Variants in SH3GL2 observed in about 807,000 individuals in gnomAD.
SH3GL2 encodes the protein SH3 domain containing GRB2 like 2, endophilin A1.
Under a neutral mutation model 46.0 loss-of-function variants are expected in SH3GL2, and 24 were observed. The ratio of observed to expected loss-of-function variants is 0.52; its 90% confidence interval spans 0.38 to 0.73. The LOEUF is 0.73. Among genes scored for constraint, SH3GL2 ranks in the 30% least tolerant of loss-of-function variants. The pLI is 0.00. For missense variants in SH3GL2, 413 were observed against 424.2 expected, an observed-to-expected ratio of 0.97 and a Z score of 0.23; for synonymous variants, 196 against 147.1, an observed-to-expected ratio of 1.33 and a Z score of -2.40.
At chr9:17,647,026 A>G (rs980505735) in intron 1 of SH3GL2, among the ~76,000 whole-genome samples, 5 of 152,166 alleles carry the variant, frequency 3.3e-5, no homozygotes, top group Non-Finnish European at 5.9e-5. Flanking sequence ...AGTTTTATCT[A>G]TAAGCCCCTG....
chr9:17,607,579 A>C (rs1257806506), intron 1 of SH3GL2, among the ~76,000 whole-genome samples: 1 of 152,230 alleles, frequency 6.6e-6, no homozygotes, highest in East Asian at 1.9e-4. Flanking sequence ...TCTATGCGGC[A>C]CGTGGCTGTA....
intron 1 of SH3GL2, among the ~76,000 whole-genome samples, chr9:17,661,060 G>A (rs1820199935): frequency 1.3e-5 from 2 of 152,158 alleles, no homozygotes; most frequent in Admixed American, 6.5e-5. Flanking sequence ...TACTCGGGAG[G>A]CTGAGGCAGG....
chr9:17,756,500 C>T (rs1369426934), intron 2 of SH3GL2, among the ~76,000 whole-genome samples: 3 of 139,086 alleles, frequency 2.2e-5, no homozygotes, highest in East Asian at 4.6e-4. Flanking sequence ...GGCAGGCCCC[C>T]ATGTGTGATG....
chr9:17,700,538 C>T (rs1420860729), intron 1 of SH3GL2, among the ~76,000 whole-genome samples: 2 of 152,140 alleles, frequency 1.3e-5, no homozygotes, highest in Non-Finnish European at 2.9e-5. Context: ...ATATTTGTTT[C>T]TTTCTGAAGT....
At chr9:17,595,886 G>T (rs1399203210) in intron 1 of SH3GL2, among the ~76,000 whole-genome samples, 1 of 152,176 alleles carries the variant, frequency 6.6e-6, no homozygotes, top group African/African-American at 2.4e-5. Context: ...GTTACAGTAA[G>T]ATTATTTTTT....
chr9:17,592,189 G>A (rs74505109), intron 1 of SH3GL2, among the ~76,000 whole-genome samples: 3,142 of 152,278 alleles, frequency 0.021, 114 homozygotes, highest in African/African-American at 0.072. Flanking sequence ...TGATGTCCAA[G>A]GGCAGGAGAA....
At position 17,699,827 on chromosome 9, in the gene SH3GL2, G is replaced by A. The variant is rs184029248; in HGVS notation, c.46-47239G>A. On this transcript the variant is annotated intron_variant, in intron 1 of 8. Coordinates refer to ENST00000380607, the MANE Select transcript of SH3GL2 (RefSeq NM_003026.5). The stretch of plus-strand genomic sequence containing the variant: ...CATCTCATGGTGAATGCATAGATCA[G>A]CATTATTTATAAAGTGTCACGTTGA... Among the ~76,000 whole-genome samples the A allele has an allele frequency of 1.4e-4, 21 of 152,328 alleles. No individual in the cohort carries two copies. In the East Asian group the frequency reaches 3.7e-3, roughly 27 times the overall value.
rs536975711 is a variant in SH3GL2, at chr9:17,685,346, C to T, written c.46-61720C>T. On this transcript the variant is annotated intron_variant, in intron 1 of 8. Coordinates refer to ENST00000380607, the MANE Select transcript of SH3GL2 (RefSeq NM_003026.5). ...ATTAATTCTTGCTTTTGAGGACTTT[C>T]GGTTGATTGGATGAGGTCCCCCCAC... is the stretch of plus-strand genomic sequence containing the variant. 2.5e-4 allele frequency among the ~76,000 whole-genome samples: 38 copies of T among 152,112 alleles called. No individual in the cohort carries two copies. The South Asian group carries it at 4.4e-3, about 17-fold the overall frequency.
At chr9:17,716,114 T>C (rs1821751433) in intron 1 of SH3GL2, among the ~76,000 whole-genome samples, 1 of 152,134 alleles carries the variant, frequency 6.6e-6, no homozygotes, top group East Asian at 1.9e-4. Flanking sequence ...TTTGAACAAA[T>C]GGAAAGTAAT....
At chr9:17,727,489 C>T (rs755508140) in intron 1 of SH3GL2, among the ~76,000 whole-genome samples, 20 of 152,258 alleles carry the variant, frequency 1.3e-4, no homozygotes, top group Non-Finnish European at 2.1e-4. Context: ...TCTGTGTGCC[C>T]AGGGCCATGC....
intron 1 of SH3GL2, among the ~76,000 whole-genome samples, chr9:17,710,003 A>G (rs1821576135): frequency 6.6e-6 from 1 of 151,922 alleles, no homozygotes; most frequent in South Asian, 2.1e-4. Flanking sequence ...CCTTAGAGGA[A>G]GGAGTGGTCC....
Position 17,604,352 on chromosome 9 carries a change from A to G in SH3GL2, c.45+25065A>G, listed in dbSNP as rs1371167490. Among the ~76,000 whole-genome samples, 6 of 152,236 alleles carry G rather than the reference A, an allele frequency of 3.9e-5. No homozygotes were observed. The East Asian group carries it at 1.2e-3, about 29-fold the overall frequency. On this transcript the variant is annotated intron_variant, in intron 1 of 8. Coordinates refer to ENST00000380607, the MANE Select transcript of SH3GL2 (RefSeq NM_003026.5). ...GAATGTATAAAATGGGAATAATGTC[A>G]GTATCCTATGAGGTTGTTATGGGGA...
chr9:17,694,237 G>C (rs931947683), intron 1 of SH3GL2, among the ~76,000 whole-genome samples: 1 of 152,054 alleles, frequency 6.6e-6, no homozygotes, highest in Non-Finnish European at 1.5e-5. Flanking sequence ...GCTTGTCTTG[G>C]GGGGCCTTAG....
intron 1 of SH3GL2, among the ~76,000 whole-genome samples, chr9:17,735,982 A>G (rs1822323142): frequency 6.6e-6 from 1 of 152,108 alleles, no homozygotes; most frequent in Non-Finnish European, 1.5e-5. Context: ...GGGAGACTCC[A>G]CAATTTCTCG....
rs1211471042 is a variant in SH3GL2 at position 17,796,128 on chromosome 9, T to C, written c.*385T>C. On this transcript the variant is annotated 3_prime_UTR_variant, in exon 9 of 9. Coordinates refer to ENST00000380607, the MANE Select transcript of SH3GL2 (RefSeq NM_003026.5). ...CTGAAGGTCTCTTTGCATTTCTCCA[T>C]GCAAAGAGGAGAAAGCTTTTGCTTT... 2 of 172,826 alleles carry C rather than the reference T, an allele frequency of 1.2e-5. No individual in the cohort carries two copies. Among genetic ancestry groups the C allele is most frequent in the African/African-American group, 4.7e-5 (2 of 42,364 alleles). The allele number at this position is 172,826 out of a possible 1,614,324, so 10.7% of individuals were successfully genotyped here.
At chr9:17,682,854 G>T (rs1588235484) in intron 1 of SH3GL2, among the ~76,000 whole-genome samples, 3 of 152,140 alleles carry the variant, frequency 2.0e-5, no homozygotes, top group African/African-American at 4.8e-5. Context: ...GTGTATTTGT[G>T]TATTTCAAAC....
intron 8 of SH3GL2, among the ~76,000 whole-genome samples, chr9:17,794,367 CAGG>C (rs1824221693): frequency 6.6e-6 from 1 of 152,104 alleles, no homozygotes; most frequent in Admixed American, 6.6e-5. Context: ...AAGATGCTCT[CAGG>C]AGACTTATTA....
At chr9:17,787,803 A>G (rs1267849542) in intron 5 of SH3GL2, among the ~76,000 whole-genome samples, 1 of 152,138 alleles carries the variant, frequency 6.6e-6, no homozygotes, top group Non-Finnish European at 1.5e-5. Flanking sequence ...ACTTTTCCTG[A>G]GAATACACAG....
At position 17,787,418 on chromosome 9, in the gene SH3GL2, CTGT is replaced by C; in HGVS notation, c.371_373del (p.Leu124_Ser125delinsPro). 10 of 1,612,746 alleles carry C rather than the reference CTGT, an allele frequency of 6.2e-6. No individual in the cohort carries two copies. The highest frequency in any genetic ancestry group is 8.5e-6 in the Non-Finnish European group (10 of 1,178,854). On this transcript the variant is annotated inframe_deletion, in exon 5 of 9. Coordinates refer to ENST00000380607, the MANE Select transcript of SH3GL2 (RefSeq NM_003026.5). ...TGAGGTCGGGGAGGCCATGCGGGAA[CTGT>C]CGGAGGTCAAAGACTCTTTGGACAT...
Sources: gnomAD v4.1 joint callset for allele counts (sites outside exome capture counted in the v4.1 genomes callset) on GRCh38, gnomAD v4.1.1 for gene constraint, MANE v1.5 for transcripts, NCBI Gene and HGNC (gene_info 2026-07-23, HGNC 2026-07-21) for gene names.